Variants in PACSIN2 observed in about 807,000 individuals in gnomAD.
PACSIN2 encodes the protein protein kinase C and casein kinase substrate in neurons protein 2.
PACSIN2 carries 25 observed loss-of-function variants against 63.8 expected under a neutral mutation model. The observed-to-expected ratio is 0.39, with a 90% confidence interval of 0.29 to 0.55. The LOEUF (loss-of-function observed/expected upper bound fraction) is 0.55, where lower values mean the gene tolerates loss of function less well. Among genes scored for constraint, PACSIN2 ranks in the 20% least tolerant of loss-of-function variants. The pLI, the probability that PACSIN2 is intolerant of heterozygous loss-of-function variation, is 0.62. For missense variants in PACSIN2, 518 were observed against 646.9 expected, an observed-to-expected ratio of 0.80 and a Z score of 2.16; for synonymous variants, 255 against 256.2, an observed-to-expected ratio of 1.00 and a Z score of 0.05.
chr22:42,884,445 G>A lies in PACSIN2; in HGVS notation c.726C>T (p.Arg242=). 6.2e-7 allele frequency: 1 copy of A among 1,614,252 alleles called. No homozygotes were observed. Among genetic ancestry groups the A allele is most frequent in the South Asian group, 1.1e-5 (1 of 91,088 alleles). The change falls in exon 6 of 11, where the codon CGC becomes CGT. Residue 242 remains arginine, a synonymous_variant. Coordinates refer to ENST00000263246, the MANE Select transcript of PACSIN2 (RefSeq NM_001184970.3). ...CCTCCAGCAGAACCTCCCGGAAGAAGCGAAGGCGTTTCTCCTCGAACTGCT... is the reference window on the plus strand; with the variant it reads ...CCTCCAGCAGAACCTCCCGGAAGAAACGAAGGCGTTTCTCCTCGAACTGCT... The part of the protein sequence containing the change: ...QCQQFEEKRL[R]FFREVLLEVQ...
In PACSIN2 at chr22:42,999,592, C is replaced by T. The variant is rs187273763; in HGVS notation, c.-78+15429G>A. Among the ~76,000 whole-genome samples the T allele has an allele frequency of 1.8e-3, 270 of 152,246 alleles. 4 individuals are homozygous for T. Among genetic ancestry groups the T allele is most frequent in the East Asian group, 0.015 (75 of 5,170 alleles). On this transcript the variant is annotated intron_variant, in intron 1 of 10. Coordinates refer to ENST00000263246, the MANE Select transcript of PACSIN2 (RefSeq NM_001184970.3). ...GCTGAAGAAGAGAATCGCTTGAACC[C>T]GGGACGCGGAGGTTGCCGTGAGACA...
Position 42,876,249 on chromosome 22 carries a change from G to A in PACSIN2, c.1236C>T (p.Ala412=), listed in dbSNP as rs368258593. ...CGTCGAATGGATTCGAGTCCCCATT[G>A]GCATCCGTGGAGGAGAAGGGGTTGT... ...ESNNPFSSTD[A]NGDSNPFDDD... is the part of the protein sequence containing the mutation. Residue 412 remains alanine (A), a synonymous_variant, in exon 10 of 11, where the codon GCC becomes GCT. Transcript: ENST00000263246. The A allele has an allele frequency of 9.3e-6, 15 of 1,614,022 alleles. No homozygotes were observed. The highest frequency in any genetic ancestry group is 1.1e-5 in the Non-Finnish European group (13 of 1,180,008).
At chr22:42,885,061 T>C (rs1929375282) in intron 5 of PACSIN2, among the ~76,000 whole-genome samples, 1 of 152,150 alleles carries the variant, frequency 6.6e-6, no homozygotes, top group South Asian at 2.1e-4. Flanking sequence ...AAGTCCTCCT[T>C]CTCTTGTCTT....
rs754729833 is a variant in PACSIN2, at chr22:42,889,383, C to CAT, written c.454-586_454-585insAT. 3.9e-3 allele frequency among the ~76,000 whole-genome samples: 599 copies of CAT among 151,790 alleles called. 1 individual carries two copies. The highest frequency in any genetic ancestry group is 0.013 in the African/African-American group (540 of 41,334). On this transcript the variant is annotated intron_variant, in intron 4 of 10. Transcript: ENST00000263246. ...GGTTTTAATGGTTTTTACACACACA[C>CAT]ACACACACACACACACTCTTAACAG...
chr22:42,935,678 T>G (rs1274546965), intron 1 of PACSIN2, among the ~76,000 whole-genome samples: 1 of 152,142 alleles, frequency 6.6e-6, no homozygotes, highest in East Asian at 1.9e-4. Flanking sequence ...GAAAAAGTGT[T>G]TCCACAGAGA....
intron 1 of PACSIN2, among the ~76,000 whole-genome samples, chr22:42,977,889 C>CT (rs1180550149): frequency 2.0e-5 from 3 of 152,200 alleles, no homozygotes; most frequent in Non-Finnish European, 4.4e-5. Flanking sequence ...GCCTGTGAAA[C>CT]TGAGTCAATT....
chr22:43,014,504 C>A (rs2146937694), intron 1 of PACSIN2, among the ~76,000 whole-genome samples: 1 of 152,028 alleles, frequency 6.6e-6, no homozygotes, highest in South Asian at 2.1e-4. Flanking sequence ...GCCCTCTCAC[C>A]GGCGCGTCCC....
At chr22:42,912,186 G>T in intron 1 of PACSIN2, 29 bp from the exon 2 acceptor site, 1 of 719,362 alleles carries the variant, frequency 1.4e-6, no homozygotes, top group Non-Finnish European at 2.2e-6. Context: ...TAACATAGTG[G>T]TTTTTAAATT....
At chr22:42,944,079 A>G (rs1933297357) in intron 1 of PACSIN2, among the ~76,000 whole-genome samples, 1 of 152,172 alleles carries the variant, frequency 6.6e-6, no homozygotes, top group Non-Finnish European at 1.5e-5. Context: ...TCCTGGCCAC[A>G]TCAGTAGTGA....
chr22:42,967,867 C>T (rs886818222), intron 1 of PACSIN2, among the ~76,000 whole-genome samples: 1 of 152,012 alleles, frequency 6.6e-6, no homozygotes, highest in Non-Finnish European at 1.5e-5. Context: ...CAGCCTGGGC[C>T]GCAGAGCGAG....
At chr22:42,943,117 A>G (rs1246822730) in intron 1 of PACSIN2, among the ~76,000 whole-genome samples, 1 of 151,278 alleles carries the variant, frequency 6.6e-6, no homozygotes, top group African/African-American at 2.5e-5. Flanking sequence ...ACTTCTCTTC[A>G]TAAATTTACT....
At chr22:42,914,976 G>A (rs991202525) in intron 1 of PACSIN2, among the ~76,000 whole-genome samples, 6 of 152,100 alleles carry the variant, frequency 3.9e-5, no homozygotes, top group Non-Finnish European at 8.8e-5. Context: ...CAATCCTCTC[G>A]CCTCAGCCTC....
intron 1 of PACSIN2, among the ~76,000 whole-genome samples, chr22:42,997,413 C>T (rs1923479860): frequency 6.6e-6 from 1 of 152,046 alleles, no homozygotes; most frequent in Non-Finnish European, 1.5e-5. Flanking sequence ...AAAAAATTAG[C>T]CAGGCGTGGT....
intron 1 of PACSIN2, among the ~76,000 whole-genome samples, chr22:42,945,326 C>T (rs1933369438): frequency 6.6e-6 from 1 of 152,108 alleles, no homozygotes; most frequent in African/African-American, 2.4e-5. Flanking sequence ...TCTCAACCTC[C>T]TCTGCCTGTT....
Position 42,977,611 on chromosome 22 carries a change from G to C in PACSIN2, c.-78+37410C>G, listed in dbSNP as rs115595172. Among the ~76,000 whole-genome samples, 982 of 152,320 alleles carry C rather than the reference G, an allele frequency of 6.4e-3. 17 individuals are homozygous for C. The highest frequency in any genetic ancestry group is 0.023 in the African/African-American group (940 of 41,566). The stretch of plus-strand genomic sequence containing the variant: ...CCAGTAAAAGGGGTTGATATGGTTA[G>C]GCTCTGTGTCCTCACCCAAATCTCA... On this transcript the variant is annotated intron_variant, in intron 1 of 10. Transcript: ENST00000263246.
At chr22:42,874,237 C>T (rs1257075834) in intron 10 of PACSIN2, among the ~76,000 whole-genome samples, 1 of 151,626 alleles carries the variant, frequency 6.6e-6, no homozygotes, top group Admixed American at 6.6e-5. Context: ...CTGCTTGAGC[C>T]CAGGAGATCA....
chr22:42,916,046 C>T (rs372536834), intron 1 of PACSIN2, among the ~76,000 whole-genome samples: 1 of 152,080 alleles, frequency 6.6e-6, no homozygotes, highest in East Asian at 1.9e-4. Context: ...GCGGGAAATC[C>T]GAGCTCTACC....
chr22:43,010,398 A>ATATATATATATATAT, intron 1 of PACSIN2, among the ~76,000 whole-genome samples: 17 of 126,394 alleles, frequency 1.3e-4, no homozygotes, highest in African/African-American at 4.5e-4. Context: ...ATATATATAT[A>ATATATATATATATAT]TTTTTTTTTA....
Position 42,876,951 on chromosome 22 carries a change from GGGTT to G in PACSIN2, c.1084_1087del (p.Asn362ProfsTer23). The G allele has an allele frequency of 6.2e-7, 1 of 1,614,176 alleles. No homozygotes were observed. Among genetic ancestry groups the G allele is most frequent in the Non-Finnish European group, 8.5e-7 (1 of 1,180,028 alleles). ...GCCCGTGTCGTCCTCATCCTCGAAGGGGTTGTAGCTGGACTGTGACTGCGCAGAC... is the reference window on the plus strand; with the variant it reads ...GCCCGTGTCGTCCTCATCCTCGAAGGGTAGCTGGACTGTGACTGCGCAGAC... On this transcript the variant is annotated frameshift_variant, in exon 9 of 11. Coordinates refer to ENST00000263246, the MANE Select transcript of PACSIN2 (RefSeq NM_001184970.3). LOFTEE classifies it high-confidence loss of function.
Sources: gnomAD v4.1 joint callset for allele counts (sites outside exome capture counted in the v4.1 genomes callset) on GRCh38, gnomAD v4.1.1 for gene constraint, MANE v1.5 for transcripts, NCBI Gene and HGNC (gene_info 2026-07-23, HGNC 2026-07-21) for gene names.